The following EIF3H variants were observed in gnomAD, a reference collection of about 807,000 sequenced individuals.
EIF3H encodes eIF-3-gamma.
Under a neutral mutation model 44.2 loss-of-function variants are expected in EIF3H, and 26 were observed. That is an observed-to-expected ratio of 0.59 (90% confidence interval 0.43 to 0.82). The LOEUF is 0.82. EIF3H is among the 40% of genes least tolerant of loss of function. EIF3H has a pLI of 0.00. For synonymous variants in EIF3H, 166 were observed against 151.9 expected (o/e 1.09, Z -0.68); for missense variants, 359 against 432.8 (o/e 0.83, Z 1.51).
At chr8:116,730,296 G>A (rs1468724504) in intron 1 of EIF3H, among the ~76,000 whole-genome samples, 1 of 152,180 alleles carries the variant, frequency 6.6e-6, no homozygotes, top group Admixed American at 6.5e-5. Context: ...TCTCCTGTCA[G>A]GTGACCAGTG....
intron 2 of EIF3H, among the ~76,000 whole-genome samples, chr8:116,690,483 C>T (rs1814155748): frequency 6.6e-6 from 1 of 152,012 alleles, no homozygotes; most frequent in African/African-American, 2.4e-5. Flanking sequence ...CTGCTTGAGC[C>T]CAGGAGATCA....
In EIF3H at chr8:116,689,253, T is replaced by C. The variant is rs1814132271; in HGVS notation, c.290-30273A>G. 1.4e-5 allele frequency: 4 copies of C among 290,678 alleles called. No individual in the cohort carries two copies. The Admixed American group carries it at 1.7e-4, about 13-fold the overall frequency. 18.0% of individuals were successfully genotyped at this position (290,678 alleles called of 1,614,324 possible). On this transcript the variant is annotated intron_variant, in intron 2 of 7. Transcript: ENST00000521861. Reference sequence around the variant, plus strand: ...AAACTCATAAAGACAGAATGTAGATTTGAGGATACCAGAGACTGGGAAGGA... The same window carrying C: ...AAACTCATAAAGACAGAATGTAGATCTGAGGATACCAGAGACTGGGAAGGA...
At chr8:116,675,730 T>A (rs1262784925) in intron 2 of EIF3H, among the ~76,000 whole-genome samples, 2 of 152,246 alleles carry the variant, frequency 1.3e-5, no homozygotes, top group Non-Finnish European at 2.9e-5. Flanking sequence ...ATGAAGCATC[T>A]GAATGCAACA....
chr8:116,707,565 C>CTTCAG (rs1814491722), intron 2 of EIF3H, among the ~76,000 whole-genome samples: 1 of 151,598 alleles, frequency 6.6e-6, no homozygotes, highest in Non-Finnish European at 1.5e-5. Flanking sequence ...ACGTGAGATA[C>CTTCAG]TTATTTGATA....
At chr8:116,710,776 G>A (rs1814560763) in intron 2 of EIF3H, among the ~76,000 whole-genome samples, 1 of 152,136 alleles carries the variant, frequency 6.6e-6, no homozygotes, top group African/African-American at 2.4e-5. Context: ...TTCTGCATTT[G>A]CCATTAATTT....
Position 116,755,792 on chromosome 8 carries a change from C to A in EIF3H, c.6G>T (p.Ala2=), listed in dbSNP as rs777902544. The change falls in exon 1 of 8, where the codon GCG becomes GCT. Residue 2 remains alanine (A), a synonymous_variant. Transcript: ENST00000521861. The part of the protein sequence containing the change: M[A]SRKEGTGSTA... ...TAGAGCCGGTACCTTCCTTGCGGGA[C>A]GCCATCTTTCCAAGCAGACAGGAAG... 33 of 1,613,392 alleles carry A rather than the reference C, an allele frequency of 2.0e-5. No homozygotes were observed. The highest frequency in any genetic ancestry group is 2.7e-5 in the Non-Finnish European group (32 of 1,180,032).
intron 1 of EIF3H, among the ~76,000 whole-genome samples, chr8:116,750,139 A>C (rs1260674254): frequency 6.6e-6 from 1 of 152,294 alleles, no homozygotes; most frequent in Non-Finnish European, 1.5e-5. Flanking sequence ...AGCATGTAGC[A>C]GGGCTAGACC....
At chr8:116,653,584 G>C (rs1331559970) in intron 5 of EIF3H, among the ~76,000 whole-genome samples, 1 of 152,090 alleles carries the variant, frequency 6.6e-6, no homozygotes, top group Admixed American at 6.6e-5. Context: ...ATGTGAACCA[G>C]GACATGAAGT....
intron 2 of EIF3H, among the ~76,000 whole-genome samples, chr8:116,705,410 A>T (rs1276218529): frequency 6.6e-6 from 1 of 152,018 alleles, no homozygotes; most frequent in Non-Finnish European, 1.5e-5. Context: ...TAGTAAGGTA[A>T]CTCAGAAAGA....
chr8:116,738,379 C>G (rs1363238111), intron 1 of EIF3H, among the ~76,000 whole-genome samples: 1 of 152,188 alleles, frequency 6.6e-6, no homozygotes, highest in African/African-American at 2.4e-5. Flanking sequence ...CCACACACTA[C>G]AAGCCAAAGC....
intron 2 of EIF3H, among the ~76,000 whole-genome samples, chr8:116,679,583 G>A (rs1813929386): frequency 3.9e-5 from 1 of 25,366 alleles, no homozygotes; most frequent in African/African-American, 1.1e-4. Flanking sequence ...CGGGAGGAAG[G>A]TGGGGGGGTC....
At chr8:116,652,847 A>T (rs544315804) in intron 5 of EIF3H, among the ~76,000 whole-genome samples, 1 of 152,240 alleles carries the variant, frequency 6.6e-6, no homozygotes, top group South Asian at 2.1e-4. Flanking sequence ...TGAGGTCCTG[A>T]GAAGGCAAGA....
intron 2 of EIF3H, among the ~76,000 whole-genome samples, chr8:116,699,190 T>C (rs1235069623): frequency 6.6e-6 from 1 of 151,972 alleles, no homozygotes; most frequent in Non-Finnish European, 1.5e-5. Context: ...TGGGTGTACA[T>C]GCCTAAATCC....
At chr8:116,751,983 G>C (rs948906131) in intron 1 of EIF3H, among the ~76,000 whole-genome samples, 1 of 152,078 alleles carries the variant, frequency 6.6e-6, no homozygotes. Flanking sequence ...CCTATGTCAA[G>C]CAGAGACTAA....
chr8:116,716,177 A>G (rs955540070), intron 2 of EIF3H, among the ~76,000 whole-genome samples: 1 of 152,118 alleles, frequency 6.6e-6, no homozygotes, highest in Admixed American at 6.5e-5. Context: ...TCTAGTACTC[A>G]AGTGAGCAAT....
intron 2 of EIF3H, among the ~76,000 whole-genome samples, chr8:116,660,998 A>G (rs1813577724): frequency 6.6e-6 from 1 of 152,208 alleles, no homozygotes; most frequent in Admixed American, 6.5e-5. Flanking sequence ...TTTTATCTTC[A>G]TATTTTATTT....
In EIF3H at chr8:116,643,134, A is replaced by G. The variant is rs1342393955; in HGVS notation, c.*1872T>C. On this transcript the variant is annotated 3_prime_UTR_variant, in exon 8 of 8. Coordinates refer to ENST00000521861, the MANE Select transcript of EIF3H (RefSeq NM_003756.3). ...GTCTAGAAAATTAGAATGCAGAGGA[A>G]ATGAACCAACAGAGCATATACTCCA... 5 of 152,266 alleles carry G rather than the reference A, an allele frequency of 3.3e-5. No individual in the cohort carries two copies. Among genetic ancestry groups the G allele is most frequent in the Non-Finnish European group, 7.3e-5 (5 of 68,046 alleles). The allele number at this position is 152,266 out of a possible 1,614,324, so 9.4% of individuals were successfully genotyped here.
intron 2 of EIF3H, among the ~76,000 whole-genome samples, chr8:116,670,954 A>G (rs1813742910): frequency 1.3e-5 from 2 of 152,252 alleles, no homozygotes; most frequent in South Asian, 4.1e-4. Context: ...GAAATACAGT[A>G]TATGAGGCGG....
intron 2 of EIF3H, among the ~76,000 whole-genome samples, chr8:116,703,144 A>G (rs1814407226): frequency 6.6e-6 from 1 of 152,218 alleles, no homozygotes; most frequent in South Asian, 2.1e-4. Context: ...GAATACTACT[A>G]ATTATTAGTT....
Sources: allele counts gnomAD v4.1 joint callset (sites outside exome capture counted in the v4.1 genomes callset), GRCh38; gene constraint gnomAD v4.1.1; transcripts MANE v1.5; gene names NCBI Gene and HGNC (gene_info 2026-07-23, HGNC 2026-07-21).